The following SLC44A5 variants were observed in gnomAD, a reference collection of about 807,000 sequenced individuals.
SLC44A5 encodes the protein choline transporter-like protein 5.
In SLC44A5, 57 loss-of-function variants were observed where a neutral mutation model predicts 101.8. That is an observed-to-expected ratio of 0.56 (90% CI 0.45 to 0.70). The LOEUF is 0.70. Ranked by LOEUF, SLC44A5 falls within the 30% of genes least tolerant of loss-of-function variation. The pLI, the probability that SLC44A5 is intolerant of heterozygous loss-of-function variation, is 0.00. For synonymous variants in SLC44A5, 281 were observed against 290.9 expected (o/e 0.97, Z 0.35); for missense variants, 737 against 853.1 (o/e 0.86, Z 1.70).
At chr1:75,468,993 GTA>G (rs1666967148) in intron 2 of SLC44A5, among the ~76,000 whole-genome samples, 1 of 152,068 alleles carries the variant, frequency 6.6e-6, no homozygotes, top group African/African-American at 2.4e-5. Context: ...AATTAAAAAT[GTA>G]TATATATTGC....
chr1:75,437,629 CAG>C (rs1194396103), intron 2 of SLC44A5, among the ~76,000 whole-genome samples: 1 of 152,048 alleles, frequency 6.6e-6, no homozygotes, highest in African/African-American at 2.4e-5. Flanking sequence ...AATGAAATAA[CAG>C]AGTTGTCCAA....
intron 6 of SLC44A5, among the ~76,000 whole-genome samples, chr1:75,274,308 A>G (rs928333309): frequency 3.3e-5 from 5 of 152,070 alleles, no homozygotes; most frequent in African/African-American, 4.8e-5. Context: ...AAGGTTTTCT[A>G]AAAATATGAG....
At chr1:75,510,078 A>G (rs998277858) in intron 2 of SLC44A5, among the ~76,000 whole-genome samples, 2 of 152,180 alleles carry the variant, frequency 1.3e-5, no homozygotes, top group Non-Finnish European at 2.9e-5. Context: ...CTTATTCACT[A>G]TCATGGGAAC....
At chr1:75,414,114 C>A (rs1389161040) in intron 2 of SLC44A5, among the ~76,000 whole-genome samples, 1 of 152,014 alleles carries the variant, frequency 6.6e-6, no homozygotes, top group Non-Finnish European at 1.5e-5. Context: ...TGCATTTAAC[C>A]TAAATTCACA....
At chr1:75,591,080 G>C (rs765401519) in intron 1 of SLC44A5, among the ~76,000 whole-genome samples, 7 of 152,160 alleles carry the variant, frequency 4.6e-5, no homozygotes, top group African/African-American at 1.4e-4. Context: ...AACAGAGAGA[G>C]ACTGTATGTT....
chr1:75,683,659 T>A, the SLC44A5 span, among the ~76,000 whole-genome samples: 1 of 152,138 alleles, frequency 6.6e-6, no homozygotes, highest in Non-Finnish European at 1.5e-5. Flanking sequence ...TAATGCTAGA[T>A]GACGAGTTAG....
chr1:75,521,651 T>C (rs1043776006), intron 2 of SLC44A5: 1 of 152,424 alleles, frequency 6.6e-6, no homozygotes, highest in Admixed American at 6.5e-5. Context: ...ACTATAGTAA[T>C]TCTCCGGAAT....
intron 2 of SLC44A5, among the ~76,000 whole-genome samples, chr1:75,467,690 A>T (rs987378450): frequency 5.9e-5 from 9 of 152,314 alleles, no homozygotes; most frequent in South Asian, 2.1e-4. Context: ...ATCAAAATGG[A>T]TTGAAGGTGT....
chr1:75,580,220 G>A (rs1341952499), intron 1 of SLC44A5, among the ~76,000 whole-genome samples: 2 of 151,986 alleles, frequency 1.3e-5, no homozygotes, highest in African/African-American at 4.8e-5. Flanking sequence ...TATAATATTA[G>A]TTACAAATAA....
In SLC44A5 at chr1:75,202,749, G is replaced by GAAGT. The variant is rs754523237; in HGVS notation, c.*974_*977dup. On this transcript the variant is annotated 3_prime_UTR_variant, in exon 24 of 24. Coordinates refer to ENST00000370859, the MANE Select transcript of SLC44A5 (RefSeq NM_001130058.2). Reference sequence around the variant, plus strand: ...GTAAAGTTTCCCTTTGCAATTCCTAGAAGTTTCTCTTTCTGATCTTTGTAA... The same window carrying GAAGT: ...GTAAAGTTTCCCTTTGCAATTCCTAGAAGTAAGTTTCTCTTTCTGATCTTTGTAA... The GAAGT allele has an allele frequency of 4.6e-5, 7 of 152,042 alleles. No individual in the cohort carries two copies. Among genetic ancestry groups the GAAGT allele is most frequent in the Non-Finnish European group, 8.8e-5 (6 of 67,998 alleles). The allele number at this position is 152,042 out of a possible 1,614,324, so 9.4% of individuals were successfully genotyped here.
At chr1:75,214,571 T>G in intron 20 of SLC44A5, 34 bp downstream of exon 20, 1 of 1,555,372 alleles carries the variant, frequency 6.4e-7, no homozygotes, top group Non-Finnish European at 8.8e-7. Context: ...GTTCACTACA[T>G]TGTTAAATTA....
intron 1 of SLC44A5, among the ~76,000 whole-genome samples, chr1:75,584,393 AGTAAAAGTG>A (rs1673876446): frequency 2.0e-5 from 3 of 152,238 alleles, no homozygotes; most frequent in Admixed American, 2.0e-4. Context: ...ACCCTTACAC[AGTAAAAGTG>A]GTAAATGTAT....
intron 3 of SLC44A5, among the ~76,000 whole-genome samples, chr1:75,362,889 T>C (rs1047406454): frequency 1.3e-5 from 2 of 152,070 alleles, no homozygotes; most frequent in African/African-American, 4.8e-5. Flanking sequence ...TGATGTTCTA[T>C]CTAGATGATT....
intron 1 of SLC44A5, among the ~76,000 whole-genome samples, chr1:75,583,867 A>T (rs1425931746): frequency 1.3e-5 from 2 of 152,184 alleles, no homozygotes; most frequent in African/African-American, 4.8e-5. Context: ...CCTCTAAAAA[A>T]AGTCTGAATA....
At position 75,238,412 on chromosome 1, in the gene SLC44A5, A is replaced by ATATATATATATATATATATATATG. The variant is rs1443013609; in HGVS notation, c.656+100_656+101insCATATATATATATATATATATATA. 10 of 334,136 alleles carry ATATATATATATATATATATATATG rather than the reference A, an allele frequency of 3.0e-5. 1 individual carries two copies. Among genetic ancestry groups the ATATATATATATATATATATATATG allele is most frequent in the African/African-American group, 2.3e-4 (10 of 43,736 alleles). The allele number at this position is 334,136 out of a possible 1,614,324, so 20.7% of individuals were successfully genotyped here. A position where few individuals can be genotyped will look rare whatever the true frequency, so the allele number is the denominator to read the frequency against. On this transcript the variant is annotated intron_variant, in intron 10 of 23. Coordinates refer to ENST00000370859, the MANE Select transcript of SLC44A5 (RefSeq NM_001130058.2). ...TATATATATATATATATATATATAT[A>ATATATATATATATATATATATATG]TGTGATTATTTTCCTATAACCCTTA...
intron 3 of SLC44A5, among the ~76,000 whole-genome samples, chr1:75,391,176 C>G (rs1313886965): frequency 1.3e-5 from 2 of 152,032 alleles, no homozygotes; most frequent in Admixed American, 1.3e-4. Context: ...CTACCAAACA[C>G]TGCTGAAAGA....
intron 13 of SLC44A5, among the ~76,000 whole-genome samples, chr1:75,223,184 G>A (rs1279023817): frequency 1.3e-5 from 2 of 152,120 alleles, no homozygotes; most frequent in Non-Finnish European, 1.5e-5. Context: ...AGGAAATCTT[G>A]GGTTCTTTTT....
intron 7 of SLC44A5, among the ~76,000 whole-genome samples, chr1:75,250,764 A>G (rs1385340975): frequency 6.6e-6 from 1 of 152,188 alleles, no homozygotes; most frequent in Non-Finnish European, 1.5e-5. Flanking sequence ...CACCCTTAAG[A>G]TGGAAGGAGC....
At chr1:75,541,210 G>A (rs1371637831) in intron 2 of SLC44A5, among the ~76,000 whole-genome samples, 1 of 152,120 alleles carries the variant, frequency 6.6e-6, no homozygotes, top group Non-Finnish European at 1.5e-5. Flanking sequence ...CACTGCTATA[G>A]GGAGTCCAGG....
Sources: allele counts gnomAD v4.1 joint callset (sites outside exome capture counted in the v4.1 genomes callset), GRCh38; gene constraint gnomAD v4.1.1; transcripts MANE v1.5; gene names NCBI Gene and HGNC (gene_info 2026-07-23, HGNC 2026-07-21).